SORD: variants seen among roughly 807,000 people sequenced by gnomAD.
The protein encoded by SORD is sorbitol dehydrogenase.
SORD carries 18 observed loss-of-function variants against 35.6 expected under a neutral mutation model. The ratio of observed to expected loss-of-function variants is 0.51; its 90% CI spans 0.35 to 0.75. The LOEUF (loss-of-function observed/expected upper bound fraction) is 0.75. SORD is among the 30% of genes least tolerant of loss of function. The pLI, the probability that SORD is intolerant of heterozygous loss-of-function variation, is 0.01. For missense variants in SORD, 250 were observed against 390.2 expected (o/e 0.64, Z 3.03); for synonymous variants, 106 against 152.9 (o/e 0.69, Z 2.26).
chr15:45,056,586 G>A (rs1218576674), intron 3 of SORD, among the ~76,000 whole-genome samples: 1 of 152,140 alleles, frequency 6.6e-6, no homozygotes, highest in Admixed American at 6.5e-5. Flanking sequence ...GATTCTATTT[G>A]AATTTCTATA....
chr15:45,054,031 A>G (rs1893172375), intron 3 of SORD, among the ~76,000 whole-genome samples: 1 of 148,396 alleles, frequency 6.7e-6, no homozygotes, highest in African/African-American at 2.5e-5. Flanking sequence ...CATTTTCTTA[A>G]TCCAGTCTAT....
intron 1 of SORD, among the ~76,000 whole-genome samples, chr15:45,038,948 TG>T (rs987876207): frequency 6.6e-6 from 1 of 152,174 alleles, no homozygotes; most frequent in African/African-American, 2.4e-5. Context: ...AATTCCACCT[TG>T]GGGCTACAGT....
At chr15:45,025,698 G>A (rs114480171) in intron 1 of SORD, among the ~76,000 whole-genome samples, 1,920 of 152,162 alleles carry the variant, frequency 0.013, 44 homozygotes, top group African/African-American at 0.041. Context: ...TTGGGTGCAG[G>A]GGTCTGGAGT....
chr15:45,065,505 G>C, intron 5 of SORD, 116 bp downstream of exon 5: 15 of 1,481,736 alleles, frequency 1.0e-5, no homozygotes, highest in Admixed American at 2.4e-5. Context: ...TTCTGGGTAA[G>C]GGAGGATTGC....
intron 3 of SORD, among the ~76,000 whole-genome samples, chr15:45,043,956 T>G (rs937996100): frequency 3.9e-5 from 6 of 152,286 alleles, no homozygotes; most frequent in Admixed American, 3.9e-4. Context: ...CTTGGCATAG[T>G]TAGCTGTTGG....
At chr15:45,065,005 G>T (rs540692189) in intron 4 of SORD, among the ~76,000 whole-genome samples, 1 of 152,272 alleles carries the variant, frequency 6.6e-6, no homozygotes, top group African/African-American at 2.4e-5. Flanking sequence ...CCCCTCACTA[G>T]CTTTGGATGG....
At chr15:45,036,479 G>T in intron 1 of SORD, 3 of 379,808 alleles carry the variant, frequency 7.9e-6, no homozygotes, top group Non-Finnish European at 1.0e-5. Context: ...ATCAATTGAG[G>T]CCAGGAGTTC....
At chr15:45,060,119 G>A (rs554562705) in intron 3 of SORD, among the ~76,000 whole-genome samples, 1 of 152,258 alleles carries the variant, frequency 6.6e-6, no homozygotes, top group African/African-American at 2.4e-5. Flanking sequence ...TGATATGCAG[G>A]CTGAAGCATT....
chr15:45,025,194 G>A (rs751904337), intron 1 of SORD, among the ~76,000 whole-genome samples: 1 of 152,214 alleles, frequency 6.6e-6, no homozygotes, highest in African/African-American at 2.4e-5. Flanking sequence ...TTCACCTTTG[G>A]TTGTGTGCTG....
intron 4 of SORD, among the ~76,000 whole-genome samples, chr15:45,063,703 T>C (rs1471859389): frequency 2.0e-5 from 3 of 152,196 alleles, no homozygotes; most frequent in African/African-American, 7.2e-5. Context: ...ACCCTCTGCA[T>C]AGAGCCCTTA....
rs1478055905 is a variant in SORD, at chr15:45,060,672, A to G, written c.266-395A>G. Among the ~76,000 whole-genome samples, 3 of 152,278 alleles carry G rather than the reference A, an allele frequency of 2.0e-5. No homozygotes were observed. In the East Asian group the frequency reaches 5.8e-4, roughly 29 times the overall value. On this transcript the variant is annotated intron_variant, in intron 3 of 8. Coordinates refer to ENST00000267814, the MANE Select transcript of SORD (RefSeq NM_003104.6). ...TGCCCGCAAACTCCATGTATTAGCT[A>G]CCCCTTTTCCAGCAGTGTGAGATGG...
intron 4 of SORD, among the ~76,000 whole-genome samples, chr15:45,061,730 C>G (rs578260772): frequency 1.3e-5 from 2 of 151,894 alleles, no homozygotes; most frequent in South Asian, 2.1e-4. Context: ...TTAGCCAGGC[C>G]TGGTGGCAGG....
At chr15:45,025,194 G>C (rs751904337) in intron 1 of SORD, among the ~76,000 whole-genome samples, 6 of 152,214 alleles carry the variant, frequency 3.9e-5, no homozygotes, top group Non-Finnish European at 5.9e-5. Context: ...TTCACCTTTG[G>C]TTGTGTGCTG....
At chr15:45,057,613 T>A (rs181139061) in intron 3 of SORD, among the ~76,000 whole-genome samples, 96 of 152,156 alleles carry the variant, frequency 6.3e-4, no homozygotes, top group African/African-American at 2.2e-3. Context: ...TGAAACCCCG[T>A]CTCTACTAAA....
chr15:45,037,306 C>G (rs1435444378), intron 1 of SORD, among the ~76,000 whole-genome samples: 4 of 152,222 alleles, frequency 2.6e-5, no homozygotes, highest in South Asian at 4.1e-4. Flanking sequence ...CACAGCTGTT[C>G]AGCTCTGTTA....
At chr15:45,031,147 G>A (rs796296612) in intron 1 of SORD, among the ~76,000 whole-genome samples, 31,134 of 150,524 alleles carry the variant, frequency 0.21, 6 homozygotes, top group African/African-American at 0.44. Context: ...GAAAGACCTT[G>A]TCTCTACAAA....
chr15:45,034,938 G>T (rs1028503399), intron 1 of SORD, among the ~76,000 whole-genome samples: 1 of 152,206 alleles, frequency 6.6e-6, no homozygotes, highest in East Asian at 1.9e-4. Flanking sequence ...GCAGCCGGCC[G>T]GCCCTGCGGT....
At chr15:45,050,217 G>A (rs550698980) in intron 3 of SORD, among the ~76,000 whole-genome samples, 1 of 152,178 alleles carries the variant, frequency 6.6e-6, no homozygotes, top group Non-Finnish European at 1.5e-5. Context: ...GAGTAGCTGG[G>A]ACTACAGGCA....
chr15:45,061,270 C>A (rs372719655), intron 4 of SORD, 44 bp downstream of exon 4: 9 of 1,599,278 alleles, frequency 5.6e-6, no homozygotes, highest in Non-Finnish European at 7.7e-6. Context: ...ACCTCTTTCC[C>A]TTCATTAGCT....
Sources: gnomAD v4.1 joint callset for allele counts (sites outside exome capture counted in the v4.1 genomes callset) on GRCh38, gnomAD v4.1.1 for gene constraint, MANE v1.5 for transcripts, NCBI Gene and HGNC (gene_info 2026-07-23, HGNC 2026-07-21) for gene names.